The following TNFRSF19 variants were observed in gnomAD, a reference collection of about 807,000 sequenced individuals.
TNFRSF19 encodes the protein TNF receptor superfamily member 19.
TNFRSF19 carries 27 observed loss-of-function variants against 46.4 expected under a neutral mutation model. That is an observed-to-expected ratio of 0.58 (90% CI 0.43 to 0.80). The LOEUF is 0.80. Among genes scored for constraint, TNFRSF19 ranks in the 30% least tolerant of loss-of-function variants. The probability of loss-of-function intolerance (pLI) is 0.00; values close to 1 mark genes in which losing one functional copy is unlikely to be tolerated. For synonymous variants in TNFRSF19, 204 were observed against 205.0 expected (o/e 1.00, Z 0.04); for missense variants, 511 against 530.8 (o/e 0.96, Z 0.37).
intron 1 of TNFRSF19, among the ~76,000 whole-genome samples, chr13:23,572,597 T>C (rs1417908161): frequency 6.6e-6 from 1 of 152,220 alleles, no homozygotes; most frequent in Non-Finnish European, 1.5e-5. Context: ...AATTATCTGA[T>C]TAATTTAGGC....
intron 1 of TNFRSF19, chr13:23,585,629 T>C (rs561920218): frequency 1.3e-5 from 2 of 152,266 alleles, no homozygotes; most frequent in Non-Finnish European, 2.9e-5. Flanking sequence ...GTTAATGAAT[T>C]TCTCTCTTCA....
intron 1 of TNFRSF19, among the ~76,000 whole-genome samples, chr13:23,589,853 G>T (rs1879125498): frequency 7.4e-6 from 1 of 135,294 alleles, no homozygotes. Flanking sequence ...AAGTAGATTG[G>T]CTGCTGTAGA....
Position 23,673,625 on chromosome 13 carries a change from A to T in TNFRSF19, c.*245A>T. 1 of 1,154,864 alleles carries T rather than the reference A, an allele frequency of 8.7e-7. No individual in the cohort carries two copies. The highest frequency in any genetic ancestry group is 1.1e-6 in the Non-Finnish European group (1 of 920,790). The allele number at this position is 1,154,864 out of a possible 1,614,324, so 71.5% of individuals were successfully genotyped here. A position where few individuals can be genotyped will look rare whatever the true frequency, so the allele number is the denominator to read the frequency against. On this transcript the variant is annotated 3_prime_UTR_variant, in exon 10 of 10. Coordinates refer to ENST00000248484, the MANE Select transcript of TNFRSF19 (RefSeq NM_148957.4). ...ACTCATGATACTCTGCATCTTTCCT[A>T]CATGAGAAGCTTCTCTGCCACAAAA...
At chr13:23,609,360 A>T (rs1880737637) in intron 3 of TNFRSF19, among the ~76,000 whole-genome samples, 1 of 152,198 alleles carries the variant, frequency 6.6e-6, no homozygotes, top group Non-Finnish European at 1.5e-5. Context: ...GCCATCAGGC[A>T]TCCTTTCAGC....
At chr13:23,634,964 C>G (rs1479704280) in intron 5 of TNFRSF19, among the ~76,000 whole-genome samples, 2 of 152,070 alleles carry the variant, frequency 1.3e-5, no homozygotes, top group East Asian at 3.9e-4. Flanking sequence ...TGTGAAATAG[C>G]AAGTATTTCT....
rs1391681536 is a variant in TNFRSF19 at position 23,622,522 on chromosome 13, T to A, written c.360-4185T>A. ...ATGGTCCTCAAACTTTTAAAAAAAA[T>A]TTTGGCAAATATATTCTCTTCGATT... On this transcript the variant is annotated intron_variant, in intron 4 of 9. Coordinates refer to ENST00000248484, the MANE Select transcript of TNFRSF19 (RefSeq NM_148957.4). 2.6e-5 allele frequency among the ~76,000 whole-genome samples: 4 copies of A among 152,310 alleles called. No homozygotes were observed. In the East Asian group the frequency reaches 5.8e-4, roughly 22 times the overall value.
At chr13:23,622,052 G>A (rs1195618995) in intron 4 of TNFRSF19, among the ~76,000 whole-genome samples, 1 of 152,058 alleles carries the variant, frequency 6.6e-6, no homozygotes, top group East Asian at 1.9e-4. Context: ...GTAGTCACAC[G>A]GGAGCCCCAC....
chr13:23,637,541 TGA>T (rs1436165646), intron 5 of TNFRSF19, among the ~76,000 whole-genome samples: 1 of 152,226 alleles, frequency 6.6e-6, no homozygotes, highest in African/African-American at 2.4e-5. Context: ...AAATTATAAG[TGA>T]ATTAATACCG....
At chr13:23,669,613 A>G (rs1389153007) in intron 9 of TNFRSF19, 2 of 985,058 alleles carry the variant, frequency 2.0e-6, no homozygotes, top group African/African-American at 3.5e-5. Context: ...TTGGCTGGAA[A>G]TTGATTGTTG....
intron 3 of TNFRSF19, among the ~76,000 whole-genome samples, chr13:23,612,101 T>C (rs994184070): frequency 2.0e-5 from 3 of 152,164 alleles, no homozygotes; most frequent in African/African-American, 7.2e-5. Flanking sequence ...ATGTGTGTAA[T>C]AGTTTTTCAG....
Position 23,673,621 on chromosome 13 carries a change from T to G in TNFRSF19, c.*241T>G. The G allele has an allele frequency of 8.6e-7, 1 of 1,168,624 alleles. No homozygotes were observed. The highest frequency in any genetic ancestry group is 4.3e-5 in the South Asian group (1 of 23,008). The allele number at this position is 1,168,624 out of a possible 1,614,324, so 72.4% of individuals were successfully genotyped here. A position where few individuals can be genotyped will look rare whatever the true frequency, so the allele number is the denominator to read the frequency against. On this transcript the variant is annotated 3_prime_UTR_variant, in exon 10 of 10. Transcript: ENST00000248484. Reference sequence around the variant, plus strand: ...GCCGACTCATGATACTCTGCATCTTTCCTACATGAGAAGCTTCTCTGCCAC... The same window carrying G: ...GCCGACTCATGATACTCTGCATCTTGCCTACATGAGAAGCTTCTCTGCCAC...
Position 23,668,669 on chromosome 13 carries a change from AGTTCTT to A in TNFRSF19, c.840-22_840-17del. ...GTTTTTCTCCCCATCAAAAACTTTAAGTTCTTTTGAACGTGTGTGCAGAAACGCAGG... is the reference window on the plus strand; with the variant it reads ...GTTTTTCTCCCCATCAAAAACTTTAATTGAACGTGTGTGCAGAAACGCAGG... On this transcript the variant is annotated splice_polypyrimidine_tract_variant and intron_variant, in intron 8 of 9. Coordinates refer to ENST00000248484, the MANE Select transcript of TNFRSF19 (RefSeq NM_148957.4). 1 of 1,588,730 alleles carries A rather than the reference AGTTCTT, an allele frequency of 6.3e-7. No individual in the cohort carries two copies. Among genetic ancestry groups the A allele is most frequent in the Non-Finnish European group, 8.6e-7 (1 of 1,169,174 alleles).
intron 5 of TNFRSF19, among the ~76,000 whole-genome samples, chr13:23,638,739 C>T (rs1055993871): frequency 6.6e-6 from 1 of 152,118 alleles, no homozygotes; most frequent in African/African-American, 2.4e-5. Flanking sequence ...CCTCTTACTG[C>T]CTTAGTTTCT....
chr13:23,575,384 T>C (rs926974972), intron 1 of TNFRSF19, among the ~76,000 whole-genome samples: 3 of 152,212 alleles, frequency 2.0e-5, no homozygotes, highest in Non-Finnish European at 4.4e-5. Context: ...ACCCATGGTA[T>C]GGTGAAGATT....
intron 5 of TNFRSF19, among the ~76,000 whole-genome samples, chr13:23,636,375 T>C (rs1213921818): frequency 6.6e-6 from 1 of 152,192 alleles, no homozygotes; most frequent in Admixed American, 6.5e-5. Context: ...AGGGAGTCTG[T>C]TTTGGGTGCA....
intron 5 of TNFRSF19, among the ~76,000 whole-genome samples, chr13:23,651,892 C>CAAAAAAA (rs1883669998): frequency 2.0e-4 from 1 of 4,952 alleles, no homozygotes; most frequent in African/African-American, 6.9e-4. Context: ...ACATAACATG[C>CAAAAAAA]TAAAAAAAAA....
intron 4 of TNFRSF19, among the ~76,000 whole-genome samples, chr13:23,620,892 C>T (rs1461629364): frequency 6.6e-6 from 1 of 152,168 alleles, no homozygotes; most frequent in African/African-American, 2.4e-5. Flanking sequence ...TACTATCATC[C>T]GAACCACTCT....
intron 5 of TNFRSF19, among the ~76,000 whole-genome samples, chr13:23,627,681 G>A (rs578219683): frequency 6.6e-6 from 1 of 152,298 alleles, no homozygotes; most frequent in Admixed American, 6.5e-5. Flanking sequence ...CACACAGGTC[G>A]CTCATGCCTT....
chr13:23,630,970 C>A (rs1455828736), intron 5 of TNFRSF19, among the ~76,000 whole-genome samples: 1 of 151,994 alleles, frequency 6.6e-6, no homozygotes, highest in Non-Finnish European at 1.5e-5. Context: ...TCAGATAAAT[C>A]ACTGTGTGAG....
Sources: allele counts gnomAD v4.1 joint callset (sites outside exome capture counted in the v4.1 genomes callset), GRCh38; gene constraint gnomAD v4.1.1; transcripts MANE v1.5; gene names NCBI Gene and HGNC (gene_info 2026-07-23, HGNC 2026-07-21).